The following HEPHL1 variants were observed in gnomAD, a reference collection of about 807,000 sequenced individuals.
HEPHL1 encodes ferroxidase HEPHL1.
A neutral mutation model predicts 122.0 loss-of-function variants in HEPHL1; 123 were observed. The observed-to-expected ratio is 1.01, with a 90% CI of 0.87 to 1.17. The LOEUF is 1.17. Ranked by LOEUF, HEPHL1 falls within the 50% of genes most tolerant of loss-of-function variation. The pLI is 0.00. For missense variants in HEPHL1, 1,452 were observed against 1,430.5 expected (o/e 1.01, Z -0.24); for synonymous variants, 527 against 508.9 (o/e 1.04, Z -0.48).
rs761208228 is a variant in HEPHL1 at position 94,101,324 on chromosome 11, T to A, written c.2564T>A (p.Met855Lys). The change falls in exon 14 of 20, where the codon ATG becomes AAG. Residue 855 changes from methionine to lysine, a missense_variant. By Grantham distance (95) the Met-to-Lys change is moderately conservative. Coordinates refer to ENST00000315765, the MANE Select transcript of HEPHL1 (RefSeq NM_001098672.2). ...MDSGKQFQVP[M>K]TKPGEVKTYR... The stretch of plus-strand genomic sequence containing the variant: ...AGTGGAAAGCAATTCCAAGTGCCCA[T>A]GACAAAACCAGGTAAGTTGTGTCAG... 1.6e-5 allele frequency: 26 copies of A among 1,612,324 alleles called. No homozygotes were observed. The highest frequency in any genetic ancestry group is 2.2e-5 in the Non-Finnish European group (26 of 1,178,986).
intron 9 of HEPHL1, 80 bp downstream of exon 9, chr11:94,075,465 AGTCAGTT>A: frequency 9.5e-7 from 1 of 1,050,860 alleles, no homozygotes; most frequent in South Asian, 1.4e-5. Flanking sequence ...AGACAGGAAT[AGTCAGTT>A]ACAAAAAGCA....
intron 1 of HEPHL1, among the ~76,000 whole-genome samples, chr11:94,035,871 G>T (rs1180909214): frequency 3.9e-5 from 6 of 152,128 alleles, no homozygotes; most frequent in Non-Finnish European, 8.8e-5. Context: ...TGAGTAGCTG[G>T]GACTACAGGC....
chr11:94,039,418 A>C (rs1232761062), intron 1 of HEPHL1, among the ~76,000 whole-genome samples: 3 of 151,782 alleles, frequency 2.0e-5, no homozygotes, highest in African/African-American at 4.8e-5. Flanking sequence ...CAGAATATAC[A>C]TTTTTTTCAG....
intron 4 of HEPHL1, among the ~76,000 whole-genome samples, chr11:94,066,054 T>C (rs1276122093): frequency 2.0e-5 from 3 of 151,978 alleles, no homozygotes; most frequent in Non-Finnish European, 2.9e-5. Flanking sequence ...AAAAATCAGC[T>C]GGGCATAGTG....
chr11:94,079,249 G>A (rs1946149916), intron 9 of HEPHL1, among the ~76,000 whole-genome samples: 1 of 152,180 alleles, frequency 6.6e-6, no homozygotes, highest in African/African-American at 2.4e-5. Flanking sequence ...GGCTTAGAGA[G>A]GATAAATCAC....
intron 1 of HEPHL1, among the ~76,000 whole-genome samples, chr11:94,040,245 A>G (rs1945764751): frequency 3.3e-5 from 1 of 30,532 alleles, no homozygotes. Context: ...TTACCAACCA[A>G]AAAGAGTCCA....
At chr11:94,025,556 G>A (rs973647372) in intron 1 of HEPHL1, among the ~76,000 whole-genome samples, 1 of 152,118 alleles carries the variant, frequency 6.6e-6, no homozygotes, top group Admixed American at 6.6e-5. Context: ...ACTCATGGGT[G>A]GAACTGCGCT....
At chr11:94,037,374 A>C (rs1203745118) in intron 1 of HEPHL1, among the ~76,000 whole-genome samples, 1 of 151,890 alleles carries the variant, frequency 6.6e-6, no homozygotes, top group Admixed American at 6.5e-5. Context: ...ACCACAGCTC[A>C]AGGAGGCCTG....
At chr11:94,098,756 AT>A (rs1187926310) in intron 13 of HEPHL1, among the ~76,000 whole-genome samples, 3 of 152,128 alleles carry the variant, frequency 2.0e-5, no homozygotes, top group Admixed American at 6.5e-5. Flanking sequence ...ACTTCATTTC[AT>A]TCATTTGATC....
rs781536181 is a variant in HEPHL1 at position 94,063,702 on chromosome 11, C to T, written c.610C>T (p.Leu204=). The stretch of plus-strand genomic sequence containing the variant: ...CATCTGCTCTGGGCTAATTGGGCCC[C>T]TGCTGGTCTGCAAGGAAGGTAAGGA... ...KDICSGLIGP[L]LVCKEGILNR... is the part of the protein sequence containing the mutation. The change falls in exon 3 of 20, where the codon CTG becomes TTG. Residue 204 remains leucine, a synonymous_variant. Transcript: ENST00000315765. The T allele has an allele frequency of 6.2e-7, 1 of 1,613,628 alleles. No individual in the cohort carries two copies. Among genetic ancestry groups the T allele is most frequent in the Admixed American group, 1.7e-5 (1 of 59,996 alleles).
intron 9 of HEPHL1, among the ~76,000 whole-genome samples, chr11:94,077,892 T>G (rs952511034): frequency 2.0e-5 from 3 of 152,202 alleles, no homozygotes; most frequent in Admixed American, 6.5e-5. Context: ...CGTGGCTAGT[T>G]CTTCTTGTCA....
At chr11:94,033,106 A>C (rs1945690878) in intron 1 of HEPHL1, among the ~76,000 whole-genome samples, 1 of 152,188 alleles carries the variant, frequency 6.6e-6, no homozygotes, top group South Asian at 2.1e-4. Flanking sequence ...TTGTTTTTCA[A>C]GTCGCCCGCT....
intron 2 of HEPHL1, among the ~76,000 whole-genome samples, chr11:94,047,258 G>A (rs929038214): frequency 6.6e-6 from 1 of 152,074 alleles, no homozygotes; most frequent in Non-Finnish European, 1.5e-5. Flanking sequence ...TCGTTACATA[G>A]GTAAACTTGT....
At chr11:94,037,527 C>G (rs567269849) in intron 1 of HEPHL1, among the ~76,000 whole-genome samples, 4 of 152,110 alleles carry the variant, frequency 2.6e-5, no homozygotes, top group African/African-American at 7.2e-5. Flanking sequence ...GATCTGAGAA[C>G]GGGCAGACTG....
intron 4 of HEPHL1, among the ~76,000 whole-genome samples, chr11:94,066,131 G>A (rs1490995321): frequency 6.6e-6 from 1 of 152,212 alleles, no homozygotes; most frequent in African/African-American, 2.4e-5. Context: ...CCGGGAGTTT[G>A]AGGCTGCAGT....
At chr11:94,038,096 G>A (rs971355603) in intron 1 of HEPHL1, among the ~76,000 whole-genome samples, 15 of 149,754 alleles carry the variant, frequency 1.0e-4, no homozygotes, top group Non-Finnish European at 1.6e-4. Context: ...GAGCCGATGC[G>A]ATCGACTGGA....
intron 12 of HEPHL1, among the ~76,000 whole-genome samples, chr11:94,092,569 G>T (rs1946270942): frequency 1.3e-5 from 2 of 152,056 alleles, no homozygotes; most frequent in Admixed American, 1.3e-4. Flanking sequence ...GCTTTATGTT[G>T]GTGCTTTCAC....
intron 13 of HEPHL1, among the ~76,000 whole-genome samples, chr11:94,097,898 C>G (rs1274180024): frequency 6.6e-6 from 1 of 152,120 alleles, no homozygotes; most frequent in African/African-American, 2.4e-5. Flanking sequence ...TTATTCTGAG[C>G]CTGTGTGTGT....
chr11:94,023,389 C>G (rs1484006378), intron 1 of HEPHL1, among the ~76,000 whole-genome samples: 1 of 152,134 alleles, frequency 6.6e-6, no homozygotes, highest in African/African-American at 2.4e-5. Context: ...GGTCAGTGAC[C>G]AAACAAGTTA....
Sources: gnomAD v4.1 joint callset for allele counts (sites outside exome capture counted in the v4.1 genomes callset) on GRCh38, gnomAD v4.1.1 for gene constraint, MANE v1.5 for transcripts, NCBI Gene and HGNC (gene_info 2026-07-23, HGNC 2026-07-21) for gene names.